C11orf65: variants seen among roughly 807,000 people sequenced by gnomAD.
The protein encoded by C11orf65 is chromosome 11 open reading frame 65.
A neutral mutation model predicts 35.3 loss-of-function variants in C11orf65; 38 were observed. That is an observed-to-expected ratio of 1.08 (90% CI 0.83 to 1.41). The LOEUF (loss-of-function observed/expected upper bound fraction) is 1.41. Among genes scored for constraint, C11orf65 ranks in the 40% most tolerant of loss-of-function variants. The probability of loss-of-function intolerance (pLI) is 0.00; values close to 1 mark genes in which losing one functional copy is unlikely to be tolerated. For synonymous variants in C11orf65, 105 were observed against 114.4 expected, an observed-to-expected ratio of 0.92 and a Z score of 0.53; for missense variants, 370 against 367.1, an observed-to-expected ratio of 1.01 and a Z score of -0.06.
At chr11:108,374,696 A>G (rs1350101233) in intron 2 of C11orf65, among the ~76,000 whole-genome samples, 6 of 152,324 alleles carry the variant, frequency 3.9e-5, no homozygotes, top group Admixed American at 3.3e-4. Context: ...TCCGAGCTAC[A>G]GGAGGAAATT....
chr11:108,343,694 C>T (rs904555033), intron 2 of C11orf65, among the ~76,000 whole-genome samples: 3 of 152,156 alleles, frequency 2.0e-5, no homozygotes, highest in Non-Finnish European at 4.4e-5. Flanking sequence ...CACCTGTAAT[C>T]CCAGCTACTT....
At chr11:108,324,616 A>G (rs2085474280) in intron 6 of C11orf65, among the ~76,000 whole-genome samples, 1 of 152,126 alleles carries the variant, frequency 6.6e-6, no homozygotes, top group Non-Finnish European at 1.5e-5. Context: ...TTCCTTCCCT[A>G]TCAAGCAACT....
chr11:108,439,753 C>G (rs2093120620), intron 2 of C11orf65, among the ~76,000 whole-genome samples: 6 of 151,668 alleles, frequency 4.0e-5, no homozygotes, highest in Admixed American at 3.9e-4. Flanking sequence ...AATGAGGTAC[C>G]TAAAATAGGA....
intron 2 of C11orf65, among the ~76,000 whole-genome samples, chr11:108,338,714 A>C (rs1422834496): frequency 1.3e-5 from 2 of 152,164 alleles, no homozygotes; most frequent in African/African-American, 4.8e-5. Context: ...AATGTTATAC[A>C]TCTCAATATT....
intron 8 of C11orf65, among the ~76,000 whole-genome samples, chr11:108,384,471 C>T (rs1042956978): frequency 2.6e-5 from 4 of 151,996 alleles, no homozygotes; most frequent in Admixed American, 6.6e-5. Flanking sequence ...AGTAACTTGC[C>T]CAAGATCATA....
At chr11:108,403,990 A>C (rs532059375) in intron 6 of C11orf65, among the ~76,000 whole-genome samples, 32 of 152,140 alleles carry the variant, frequency 2.1e-4, no homozygotes, top group African/African-American at 7.7e-4. Flanking sequence ...TTCACATACG[A>C]CACAAGCATC....
intron 3 of C11orf65, among the ~76,000 whole-genome samples, chr11:108,416,306 C>A (rs938685897): frequency 1.3e-5 from 2 of 152,168 alleles, no homozygotes. Context: ...AAGCTATCTT[C>A]ACTAAAGAAG....
At chr11:108,367,010 C>T (rs2091365200) in intron 2 of C11orf65, 1 of 193,680 alleles carries the variant, frequency 5.2e-6, no homozygotes. Context: ...TTTTCTGAGA[C>T]AGAGTCTTGC....
At chr11:108,319,706 T>C (rs943797659) in intron 6 of C11orf65, among the ~76,000 whole-genome samples, 10 of 152,234 alleles carry the variant, frequency 6.6e-5, no homozygotes, top group Non-Finnish European at 1.3e-4. Flanking sequence ...TAGGTATTTA[T>C]TGAATAAATA....
In C11orf65 at chr11:108,331,954, G is replaced by C. The variant is rs898880638; in HGVS notation, c.300-387C>G. On this transcript the variant is annotated intron_variant, in intron 3 of 3. Coordinates refer to the C11orf65 transcript ENST00000524755. ...ACTGGCCTTAGCAAATGCAAACAGA[G>C]ATGAATTTCTGACTAAACCAGAGGT... 1.2e-6 allele frequency: 2 copies of C among 1,614,014 alleles called. No homozygotes were observed. The highest frequency in any genetic ancestry group is 1.7e-6 in the Non-Finnish European group (2 of 1,179,954).
chr11:108,441,191 A>AG (rs2093147905), intron 2 of C11orf65, among the ~76,000 whole-genome samples: 1 of 152,226 alleles, frequency 6.6e-6, no homozygotes, highest in Non-Finnish European at 1.5e-5. Context: ...CCTGGCTCAG[A>AG]GGGTCCCACA....
At chr11:108,384,814 C>T (rs1178531022) in intron 8 of C11orf65, among the ~76,000 whole-genome samples, 4 of 152,062 alleles carry the variant, frequency 2.6e-5, no homozygotes, top group Admixed American at 2.0e-4. Context: ...AACAACTCCA[C>T]AATCCTAACC....
At chr11:108,372,224 C>T (rs547864328) in intron 2 of C11orf65, among the ~76,000 whole-genome samples, 41 of 152,116 alleles carry the variant, frequency 2.7e-4, no homozygotes, top group Non-Finnish European at 3.2e-4. Flanking sequence ...GATGGAGTCC[C>T]GCTCTGTCGC....
At chr11:108,326,370 A>G in intron 6 of C11orf65, 1 of 1,184,842 alleles carries the variant, frequency 8.4e-7, no homozygotes, top group South Asian at 1.5e-5. Flanking sequence ...AGTCTTGAAA[A>G]TTAATTTGTA....
downstream of C11orf65, among the ~76,000 whole-genome samples, chr11:108,379,309 G>C (rs534973613): frequency 1.7e-4 from 26 of 152,188 alleles, no homozygotes; most frequent in East Asian, 5.0e-3. Flanking sequence ...AAAAAATGAT[G>C]GGTTCATGTC....
downstream of C11orf65, chr11:108,330,192 T>A: frequency 1.2e-6 from 2 of 1,606,850 alleles, no homozygotes; most frequent in Non-Finnish European, 1.7e-6. Flanking sequence ...TTTTGTGTTT[T>A]ACCTTAATTA....
rs746475628 is a variant in C11orf65 at position 108,343,280 on chromosome 11, T to C, written c.227-7988A>G. On this transcript the variant is annotated intron_variant, in intron 2 of 3. Transcript: ENST00000524755. ...GAATGGTGCACAGGAACTGTCCCCA[T>C]TGGTGAATTTCTTGTTAACAATGAA... 34 of 1,613,882 alleles carry C rather than the reference T, an allele frequency of 2.1e-5. No individual in the cohort carries two copies. Among genetic ancestry groups the C allele is most frequent in the Middle Eastern group, 1.6e-4 (1 of 6,082 alleles).
chr11:108,395,655 C>T (rs1591456410), intron 6 of C11orf65, among the ~76,000 whole-genome samples: 2 of 119,244 alleles, frequency 1.7e-5, no homozygotes, highest in African/African-American at 6.8e-5. Flanking sequence ...GAATCTCACT[C>T]TATTGCCCAG....
intron 2 of C11orf65, among the ~76,000 whole-genome samples, chr11:108,339,613 T>C (rs1169202912): frequency 3.3e-5 from 5 of 152,154 alleles, no homozygotes; most frequent in African/African-American, 1.2e-4. Flanking sequence ...ATTTGCTTTT[T>C]GAAATTCAAA....
Sources: allele counts gnomAD v4.1 joint callset (sites outside exome capture counted in the v4.1 genomes callset), GRCh38; gene constraint gnomAD v4.1.1; transcripts MANE v1.5; gene names NCBI Gene and HGNC (gene_info 2026-07-23, HGNC 2026-07-21).